The following INPP4B variants were observed in gnomAD, a reference collection of about 807,000 sequenced individuals.
The protein encoded by INPP4B is inositol polyphosphate 4-phosphatase type II.
A neutral mutation model predicts 122.5 loss-of-function variants in INPP4B; 55 were observed. The observed-to-expected ratio is 0.45, with a 90% CI of 0.36 to 0.56. The LOEUF is 0.56. Among genes scored for constraint, INPP4B ranks in the 20% least tolerant of loss-of-function variants. The probability of loss-of-function intolerance (pLI) is 0.00; values close to 1 mark genes in which losing one functional copy is unlikely to be tolerated. For missense variants in INPP4B, 1,000 were observed against 1,097.7 expected, an observed-to-expected ratio of 0.91 and a Z score of 1.26; for synonymous variants, 403 against 388.7, an observed-to-expected ratio of 1.04 and a Z score of -0.43.
intron 2 of INPP4B, among the ~76,000 whole-genome samples, chr4:142,525,649 T>C (rs377734006): frequency 0.05 from 5,260 of 106,060 alleles, 159 homozygotes; most frequent in African/African-American, 0.073. Context: ...AAGGATTCCC[T>C]ATTTAATAAA....
At chr4:142,526,989 A>G (rs1827004462) in intron 2 of INPP4B, among the ~76,000 whole-genome samples, 1 of 152,032 alleles carries the variant, frequency 6.6e-6, no homozygotes, top group Admixed American at 6.6e-5. Context: ...AATACAATCA[A>G]TTTACTTGTA....
At chr4:142,640,153 G>A (rs1409368077) in intron 2 of INPP4B, among the ~76,000 whole-genome samples, 2 of 152,002 alleles carry the variant, frequency 1.3e-5, no homozygotes, top group African/African-American at 4.8e-5. Flanking sequence ...ACAATTCAAT[G>A]CAATCTTAAT....
chr4:142,200,079 G>A (rs1045382164), intron 14 of INPP4B, among the ~76,000 whole-genome samples: 1 of 151,632 alleles, frequency 6.6e-6, no homozygotes, highest in Admixed American at 6.6e-5. Context: ...CTTCTGAAAG[G>A]CATGGTTAAC....
At chr4:142,747,399 A>G (rs537750689) in intron 1 of INPP4B, among the ~76,000 whole-genome samples, 1 of 152,294 alleles carries the variant, frequency 6.6e-6, no homozygotes, top group East Asian at 1.9e-4. Context: ...GTGGAAAAAT[A>G]GGAATGCTTT....
intron 2 of INPP4B, among the ~76,000 whole-genome samples, chr4:142,665,587 G>T (rs1755901914): frequency 6.6e-6 from 1 of 151,702 alleles, no homozygotes; most frequent in Admixed American, 6.6e-5. Context: ...TACCTACAAG[G>T]TCATTCACTG....
intron 12 of INPP4B, among the ~76,000 whole-genome samples, chr4:142,231,352 C>A (rs1854286712): frequency 6.6e-6 from 1 of 152,146 alleles, no homozygotes; most frequent in Non-Finnish European, 1.5e-5. Flanking sequence ...CACAAATAAG[C>A]AAACAGTGCA....
At chr4:142,266,926 C>A (rs1393953778) in intron 10 of INPP4B, among the ~76,000 whole-genome samples, 4 of 151,842 alleles carry the variant, frequency 2.6e-5, no homozygotes. Context: ...ACACTGACAG[C>A]AAACTATTTG....
At chr4:142,552,543 T>C (rs1368123101) in intron 2 of INPP4B, among the ~76,000 whole-genome samples, 2 of 152,174 alleles carry the variant, frequency 1.3e-5, no homozygotes, top group Non-Finnish European at 2.9e-5. Flanking sequence ...AGGTAGGTTT[T>C]TGAGTCTTTT....
At chr4:142,030,000 C>T in intron 25 of INPP4B, 10 of 1,373,446 alleles carry the variant, frequency 7.3e-6, no homozygotes, top group Non-Finnish European at 9.4e-6. Context: ...TTAGGAAAAA[C>T]AAACTAAACA....
rs555866009 is a variant in INPP4B, at chr4:142,327,376, A to G, written c.373-12614T>C. ...TGATAACTGTAGTCAAAAGAAGATC[A>G]CCAAACCCCCCATACAAATTAATTG... is the stretch of plus-strand genomic sequence containing the variant. On this transcript the variant is annotated intron_variant, in intron 7 of 25. Transcript: ENST00000262992. Among the ~76,000 whole-genome samples the G allele has an allele frequency of 2.0e-5, 3 of 152,224 alleles. No homozygotes were observed. The East Asian group carries it at 5.8e-4, about 29-fold the overall frequency.
rs33993491 is a variant in INPP4B, at chr4:142,735,924, A to AACACACAC, written c.-253-10031_-253-10024dup. Among the ~76,000 whole-genome samples, 437 of 142,720 alleles carry AACACACAC rather than the reference A, an allele frequency of 3.1e-3. 3 individuals are homozygous for AACACACAC. Among genetic ancestry groups the AACACACAC allele is most frequent in the Middle Eastern group, 0.01 (3 of 290 alleles). The allele number at this position is 142,720 out of a possible 152,430, so 93.6% of individuals were successfully genotyped here. A position where few individuals can be genotyped will look rare whatever the true frequency, so the allele number is the denominator to read the frequency against. On this transcript the variant is annotated intron_variant, in intron 1 of 25. Transcript: ENST00000262992. ...TTACGTATATCATTCTATACATTGCAACACACACACACACACACACACACA... is the reference window on the plus strand; with the variant it reads ...TTACGTATATCATTCTATACATTGCAACACACACACACACACACACACACACACACACA...
At chr4:142,571,735 T>C (rs1341471187) in intron 2 of INPP4B, among the ~76,000 whole-genome samples, 1 of 152,132 alleles carries the variant, frequency 6.6e-6, no homozygotes, top group African/African-American at 2.4e-5. Context: ...ATTTTGAGGG[T>C]TTTGGCAAAG....
chr4:142,337,830 G>T (rs1777354523), intron 7 of INPP4B, among the ~76,000 whole-genome samples: 1 of 146,418 alleles, frequency 6.8e-6, no homozygotes, highest in African/African-American at 2.5e-5. Context: ...TATATGTGTT[G>T]CATATTTCTT....
At chr4:142,144,679 T>C (rs1809734329) in intron 18 of INPP4B, among the ~76,000 whole-genome samples, 2 of 152,070 alleles carry the variant, frequency 1.3e-5, no homozygotes, top group African/African-American at 4.8e-5. Flanking sequence ...TTAGCATAAA[T>C]GTTTTGCCTA....
At chr4:142,217,691 C>T (rs2627804) in intron 12 of INPP4B, among the ~76,000 whole-genome samples, 58,690 of 152,012 alleles carry the variant, frequency 0.39, 13,988 homozygotes, top group East Asian at 0.67. Context: ...ATTTGGTCAA[C>T]GGTATACTGA....
At chr4:142,796,637 CA>C (rs113081682) in intron 1 of INPP4B, among the ~76,000 whole-genome samples, 3,903 of 151,524 alleles carry the variant, frequency 0.026, 169 homozygotes, top group African/African-American at 0.088. Flanking sequence ...TATTCTGGCA[CA>C]AAAAAAAGTC....
intron 12 of INPP4B, among the ~76,000 whole-genome samples, chr4:142,232,502 G>A (rs1854833580): frequency 6.6e-6 from 1 of 151,964 alleles, no homozygotes; most frequent in South Asian, 2.1e-4. Flanking sequence ...GGTGAACTTA[G>A]TCAATAAATG....
chr4:142,258,189 T>C (rs1246921515), intron 11 of INPP4B, among the ~76,000 whole-genome samples: 1 of 152,134 alleles, frequency 6.6e-6, no homozygotes, highest in Non-Finnish European at 1.5e-5. Context: ...TTATACCTTA[T>C]ACAAAAATCA....
At chr4:142,676,748 T>C (rs1248572017) in intron 2 of INPP4B, among the ~76,000 whole-genome samples, 3 of 152,058 alleles carry the variant, frequency 2.0e-5, no homozygotes, top group African/African-American at 7.2e-5. Context: ...GCAAAGTATT[T>C]CCTACTTAAG....
Sources: allele counts gnomAD v4.1 joint callset (sites outside exome capture counted in the v4.1 genomes callset), GRCh38; gene constraint gnomAD v4.1.1; transcripts MANE v1.5; gene names NCBI Gene and HGNC (gene_info 2026-07-23, HGNC 2026-07-21).